PTPRD: variants seen among roughly 807,000 people sequenced by gnomAD.
PTPRD encodes the protein receptor-type tyrosine-protein phosphatase delta.
A neutral mutation model predicts 214.5 loss-of-function variants in PTPRD; 34 were observed. The observed-to-expected ratio is 0.16, with a 90% CI of 0.12 to 0.21. The LOEUF is 0.21. Ranked by LOEUF, PTPRD falls within the 10% of genes least tolerant of loss-of-function variation. The probability of loss-of-function intolerance (pLI) is 1.00; values close to 1 mark genes in which losing one functional copy is unlikely to be tolerated. For synonymous variants in PTPRD, 1,128 were observed against 845.7 expected, an observed-to-expected ratio of 1.33 and a Z score of -5.79; for missense variants, 2,545 against 2,398.7, an observed-to-expected ratio of 1.06 and a Z score of -1.27.
intron 14 of PTPRD, among the ~76,000 whole-genome samples, chr9:8,592,923 C>A (rs1371119434): frequency 6.6e-6 from 1 of 152,082 alleles, no homozygotes; most frequent in Non-Finnish European, 1.5e-5. Context: ...CAGAAAGAAT[C>A]AAGAAGGACA....
At chr9:8,502,199 A>C (rs1014994370) in intron 23 of PTPRD, among the ~76,000 whole-genome samples, 1 of 152,168 alleles carries the variant, frequency 6.6e-6, no homozygotes, top group African/African-American at 2.4e-5. Context: ...CACAATTACT[A>C]TCATTATTTA....
rs191138995 is a variant in PTPRD, at chr9:9,854,767, C to A, written c.-368+83740G>T. Among the ~76,000 whole-genome samples the A allele has an allele frequency of 4.8e-4, 73 of 152,114 alleles. 1 individual carries two copies. In the East Asian group the frequency reaches 0.014, roughly 29 times the overall value. On this transcript the variant is annotated intron_variant, in intron 5 of 45. Coordinates refer to ENST00000381196, the MANE Select transcript of PTPRD (RefSeq NM_002839.4). ...AGTACCCCCAGAAAACCAGCAAAAA[C>A]AAAAACAGAATATCTGACCTTTTGC...
intron 11 of PTPRD, among the ~76,000 whole-genome samples, chr9:8,813,620 G>A (rs867453205): frequency 3.5e-4 from 54 of 152,176 alleles, no homozygotes; most frequent in South Asian, 3.5e-3. Flanking sequence ...CAATCCTCCC[G>A]CCTCGGCCTC....
chr9:9,913,199 C>T (rs928426304), intron 5 of PTPRD, among the ~76,000 whole-genome samples: 5 of 152,142 alleles, frequency 3.3e-5, no homozygotes, highest in Non-Finnish European at 5.9e-5. Flanking sequence ...GTATGTTATG[C>T]ATAGTATTTC....
intron 9 of PTPRD, among the ~76,000 whole-genome samples, chr9:9,373,944 T>C (rs1168809805): frequency 6.6e-6 from 1 of 152,066 alleles, no homozygotes. Context: ...ATAATGCAAA[T>C]ATTTTCTCTT....
intron 11 of PTPRD, among the ~76,000 whole-genome samples, chr9:9,003,765 T>A (rs2099436745): frequency 1.3e-5 from 2 of 152,086 alleles, no homozygotes; most frequent in South Asian, 2.1e-4. Flanking sequence ...CTGTGATAGC[T>A]GGAAAAAGGC....
intron 9 of PTPRD, among the ~76,000 whole-genome samples, chr9:9,249,909 A>G (rs2099974758): frequency 1.3e-5 from 2 of 152,156 alleles, no homozygotes; most frequent in Admixed American, 1.3e-4. Flanking sequence ...AATTCAAAAC[A>G]TACTTTGTCT....
intron 11 of PTPRD, among the ~76,000 whole-genome samples, chr9:8,791,819 A>G (rs139182431): frequency 5.3e-5 from 8 of 152,192 alleles, no homozygotes; most frequent in African/African-American, 1.9e-4. Context: ...AGCTCTTTTG[A>G]CCCAGGTGTT....
intron 35 of PTPRD, among the ~76,000 whole-genome samples, chr9:8,433,833 A>C (rs986895473): frequency 1.3e-5 from 2 of 152,184 alleles, no homozygotes; most frequent in East Asian, 1.9e-4. Context: ...GGTATAGCTT[A>C]AGTTTATAGT....
intron 9 of PTPRD, among the ~76,000 whole-genome samples, chr9:9,381,456 G>A (rs1003628652): frequency 1.3e-4 from 19 of 150,646 alleles, no homozygotes; most frequent in Admixed American, 2.7e-4. Context: ...GACCTCTTGG[G>A]CTCAAGTAAT....
chr9:9,270,436 A>G (rs10816081), intron 9 of PTPRD, among the ~76,000 whole-genome samples: 95,745 of 151,144 alleles, frequency 0.63, 30,595 homozygotes, highest in Non-Finnish European at 0.65. Context: ...AAAAGGGCAG[A>G]AAGAGCGTTC....
intron 9 of PTPRD, among the ~76,000 whole-genome samples, chr9:9,228,987 C>T (rs986986326): frequency 6.6e-6 from 1 of 152,028 alleles, no homozygotes; most frequent in African/African-American, 2.4e-5. Context: ...AAAGGTAAGA[C>T]TTACATTTAA....
At chr9:8,408,467 G>A (rs1309099388) in intron 35 of PTPRD, among the ~76,000 whole-genome samples, 1 of 152,104 alleles carries the variant, frequency 6.6e-6, no homozygotes, top group African/African-American at 2.4e-5. Context: ...TTCCCAAGCT[G>A]AAATCCTGGC....
intron 8 of PTPRD, among the ~76,000 whole-genome samples, chr9:9,545,844 G>T (rs1464626038): frequency 6.6e-6 from 1 of 151,754 alleles, no homozygotes; most frequent in Non-Finnish European, 1.5e-5. Flanking sequence ...AACTTGCTGA[G>T]ATTTTGACTG....
intron 39 of PTPRD, among the ~76,000 whole-genome samples, chr9:8,368,430 T>C (rs896101233): frequency 2.0e-5 from 3 of 152,166 alleles, no homozygotes; most frequent in Non-Finnish European, 2.9e-5. Flanking sequence ...GGATTGGTGA[T>C]AGGTTCTCAG....
chr9:8,530,491 G>A (rs2075404363), intron 14 of PTPRD, among the ~76,000 whole-genome samples: 1 of 151,984 alleles, frequency 6.6e-6, no homozygotes, highest in Non-Finnish European at 1.5e-5. Context: ...AGCTACCATA[G>A]CAGCGGCTAC....
At position 9,286,996 on chromosome 9, in the gene PTPRD, G is replaced by T. The variant is rs1015685760; in HGVS notation, c.-202-103633C>A. On this transcript the variant is annotated intron_variant, in intron 9 of 45. Transcript: ENST00000381196. ...ATGCCAGCATTTGGAAGGCTGAGGC[G>T]GGCAGATCACTTGAGGTCAGGAGTT... 1.2e-4 allele frequency among the ~76,000 whole-genome samples: 17 copies of T among 144,726 alleles called. No homozygotes were observed. In the East Asian group the frequency reaches 3.3e-3, roughly 28 times the overall value. The allele number at this position is 144,726 out of a possible 152,430, so 94.9% of individuals were successfully genotyped here.
At chr9:10,525,399 C>G (rs530910493) in intron 2 of PTPRD, among the ~76,000 whole-genome samples, 1 of 152,056 alleles carries the variant, frequency 6.6e-6, no homozygotes, top group South Asian at 2.1e-4. Context: ...GCTCAGAGTA[C>G]TTTTTCTATA....
chr9:8,847,994 C>T (rs1566583598), intron 11 of PTPRD, among the ~76,000 whole-genome samples: 2 of 151,976 alleles, frequency 1.3e-5, no homozygotes, highest in South Asian at 4.2e-4. Flanking sequence ...TATAAAAATG[C>T]TTCTGATTTC....
Sources: gnomAD v4.1 joint callset for allele counts (sites outside exome capture counted in the v4.1 genomes callset) on GRCh38, gnomAD v4.1.1 for gene constraint, MANE v1.5 for transcripts, NCBI Gene and HGNC (gene_info 2026-07-23, HGNC 2026-07-21) for gene names.